The following HYDIN variants were observed in gnomAD, a reference collection of about 807,000 sequenced individuals.
HYDIN encodes the protein axonemal central pair apparatus protein HYDIN.
In HYDIN, 132 loss-of-function variants were observed where a neutral mutation model predicts 403.9. The ratio of observed to expected loss-of-function variants is 0.33; its 90% CI spans 0.28 to 0.38. The LOEUF (loss-of-function observed/expected upper bound fraction) is 0.38. HYDIN is among the 10% of genes least tolerant of loss of function. The pLI is 1.00. For missense variants in HYDIN, 2,827 were observed against 5,009.5 expected, an observed-to-expected ratio of 0.56 and a Z score of 13.15; for synonymous variants, 1,202 against 1,891.7, an observed-to-expected ratio of 0.64 and a Z score of 9.46.
At chr16:71,122,747 T>C (rs1265965434) in intron 9 of HYDIN, among the ~76,000 whole-genome samples, 1 of 151,994 alleles carries the variant, frequency 6.6e-6, no homozygotes. Context: ...TGGTTTACTA[T>C]TACTTATATG....
intron 78 of HYDIN, among the ~76,000 whole-genome samples, chr16:70,834,642 G>A (rs1385311789): frequency 5.3e-5 from 8 of 152,070 alleles, no homozygotes; most frequent in African/African-American, 1.4e-4. Flanking sequence ...GAGGTCAGGA[G>A]TTTGACAACA....
chr16:70,817,713 A>G (rs919966046), intron 84 of HYDIN, among the ~76,000 whole-genome samples: 1 of 151,906 alleles, frequency 6.6e-6, no homozygotes, highest in Non-Finnish European at 1.5e-5. Context: ...TTTTCACCAC[A>G]CCTATTCTAT....
chr16:70,868,665 C>T lies in HYDIN; in HGVS notation c.11215G>A (p.Ala3739Thr), dbSNP rs1774504. ...KLSRIMFQLP[A>T]DQVPDWDDRM... Reference sequence around the variant, plus strand: ...TCATCCCAGTCGGGGACCTGGTCTGCAGGGAGCTGAAACATAATCCTGGAG... The same window carrying T: ...TCATCCCAGTCGGGGACCTGGTCTGTAGGGAGCTGAAACATAATCCTGGAG... Residue 3739 changes from alanine (A) to threonine (T), a missense_variant, in exon 66 of 86, where the codon GCA (alanine) becomes ACA (threonine). Ala to Thr is a moderately conservative substitution (Grantham distance 58). Transcript: ENST00000393567. 1.2e-6 allele frequency: 2 copies of T among 1,613,834 alleles called. No individual in the cohort carries two copies. Among genetic ancestry groups the T allele is most frequent in the Non-Finnish European group, 1.7e-6 (2 of 1,180,038 alleles).
rs554156000 is a variant in HYDIN, at chr16:71,152,620, T to C, written c.841+39A>G. 2.5e-4 allele frequency: 168 copies of C among 664,768 alleles called. 1 individual carries two copies. In the East Asian group the frequency reaches 4.6e-3, roughly 18 times the overall value. The allele number at this position is 664,768 out of a possible 1,614,324, so 41.2% of individuals were successfully genotyped here. ...AGTGAGAACATTCTCATCTGACCTT[T>C]CTTAATATGTAGAACTTTTAACAAA... On this transcript the variant is annotated intron_variant, in intron 7 of 85. Transcript: ENST00000393567.
chr16:70,955,889 G>A (rs1597407450), intron 39 of HYDIN, among the ~76,000 whole-genome samples: 1 of 152,248 alleles, frequency 6.6e-6, no homozygotes, highest in Admixed American at 6.5e-5. Context: ...CGAGATCTCA[G>A]CTCACCGTAA....
intron 1 of HYDIN, among the ~76,000 whole-genome samples, chr16:71,220,369 C>A (rs951114306): frequency 2.0e-5 from 3 of 152,272 alleles, no homozygotes; most frequent in Non-Finnish European, 4.4e-5. Flanking sequence ...CAGAAGTATT[C>A]CTTCCCCCAA....
intron 35 of HYDIN, among the ~76,000 whole-genome samples, chr16:70,971,239 C>G (rs970074626): frequency 4.6e-4 from 70 of 152,306 alleles, no homozygotes; most frequent in African/African-American, 1.6e-3. Flanking sequence ...TAAAAAGACC[C>G]CAGCTCCCTT....
intron 45 of HYDIN, among the ~76,000 whole-genome samples, chr16:70,930,416 G>T (rs1381250649): frequency 1.3e-5 from 2 of 152,218 alleles, no homozygotes; most frequent in South Asian, 2.1e-4. Flanking sequence ...GGGAGGCGGA[G>T]GTTGCAGTGA....
At chr16:70,971,279 G>A (rs1471379564) in intron 35 of HYDIN, among the ~76,000 whole-genome samples, 1 of 152,280 alleles carries the variant, frequency 6.6e-6, no homozygotes, top group Non-Finnish European at 1.5e-5. Context: ...TCTGAAGTGT[G>A]TACTTTGTGT....
intron 1 of HYDIN, among the ~76,000 whole-genome samples, chr16:71,214,175 A>G (rs941241206): frequency 1.3e-5 from 2 of 152,094 alleles, no homozygotes; most frequent in Admixed American, 1.3e-4. Flanking sequence ...TACCATAAAA[A>G]GTTCAAATTC....
At chr16:71,196,073 C>T (rs1459113696) in intron 1 of HYDIN, among the ~76,000 whole-genome samples, 7 of 152,320 alleles carry the variant, frequency 4.6e-5, no homozygotes, top group Admixed American at 3.9e-4. Flanking sequence ...ATTTTCATGA[C>T]TCATACCAAG....
chr16:71,186,606 G>T (rs951845242), intron 2 of HYDIN, among the ~76,000 whole-genome samples, 155 bp downstream of exon 2: 4 of 152,002 alleles, frequency 2.6e-5, no homozygotes, highest in African/African-American at 9.7e-5. Flanking sequence ...GGCTTTAAAA[G>T]GTATCTACAC....
chr16:71,032,680 T>C (rs367740443), intron 18 of HYDIN, among the ~76,000 whole-genome samples: 1 of 107,672 alleles, frequency 9.3e-6, no homozygotes, highest in South Asian at 3.4e-4. Context: ...TACTGAATAC[T>C]GTAGGCAACT....
chr16:71,181,221 T>C (rs1262857264), intron 3 of HYDIN, among the ~76,000 whole-genome samples: 1 of 151,498 alleles, frequency 6.6e-6, no homozygotes, highest in African/African-American at 2.4e-5. Context: ...CAGCAGTTTT[T>C]TTTTTGAAAC....
At chr16:71,192,998 C>G (rs2087511762) in intron 1 of HYDIN, among the ~76,000 whole-genome samples, 1 of 152,200 alleles carries the variant, frequency 6.6e-6, no homozygotes, top group South Asian at 2.1e-4. Context: ...AAACCCATCT[C>G]AAGAATCTGC....
chr16:71,230,676 C>A lies in HYDIN; in HGVS notation c.-138G>T. Reference sequence around the variant, plus strand: ...GCTCCATACCCAGCTTGAAGCCGCCCGCACTCTCCATGCGCCGCCCGAGCT... The same window carrying A: ...GCTCCATACCCAGCTTGAAGCCGCCAGCACTCTCCATGCGCCGCCCGAGCT... On this transcript the variant is annotated 5_prime_UTR_variant, in exon 1 of 86. Transcript: ENST00000393567. 6.5e-7 allele frequency: 1 copy of A among 1,536,084 alleles called. No individual in the cohort carries two copies. The highest frequency in any genetic ancestry group is 1.2e-5 in the South Asian group (1 of 84,048).
At position 71,115,799 on chromosome 16, in the gene HYDIN, A is replaced by T; in HGVS notation, c.1228-4T>A. On this transcript the variant is annotated splice_polypyrimidine_tract_variant and splice_region_variant and intron_variant, in intron 9 of 85. Transcript: ENST00000393567. ...AGTTGGGCCAGACATCACCTTCCTG[A>T]AAAACATGAAAGAATCATTAAAAAA... is the stretch of plus-strand genomic sequence containing the variant. The T allele has an allele frequency of 2.7e-6, 2 of 730,698 alleles. No individual in the cohort carries two copies. Among genetic ancestry groups the T allele is most frequent in the Non-Finnish European group, 4.9e-6 (2 of 407,002 alleles). 45.3% of individuals were successfully genotyped at this position (730,698 alleles called of 1,614,324 possible). A position where few individuals can be genotyped will look rare whatever the true frequency, so the allele number is the denominator to read the frequency against.
At chr16:71,203,661 G>A (rs1466419523) in intron 1 of HYDIN, 2 of 447,716 alleles carry the variant, frequency 4.5e-6, no homozygotes, top group African/African-American at 4.0e-5. Context: ...CCCAGGACAG[G>A]TAATTCCATA....
chr16:71,129,867 G>A (rs755602200), intron 8 of HYDIN, 44 bp from the exon 9 acceptor site: 2 of 1,570,980 alleles, frequency 1.3e-6, no homozygotes, highest in Admixed American at 3.5e-5. Flanking sequence ...GTACTCCCAT[G>A]AAGAACTTTG....
Sources: allele counts gnomAD v4.1 joint callset (sites outside exome capture counted in the v4.1 genomes callset), GRCh38; gene constraint gnomAD v4.1.1; transcripts MANE v1.5; gene names NCBI Gene and HGNC (gene_info 2026-07-23, HGNC 2026-07-21).